The following GPR89B variants were observed in gnomAD, a reference collection of about 807,000 sequenced individuals.
GPR89B encodes the protein G protein-coupled receptor 89B.
In GPR89B, 25 loss-of-function variants were observed where a neutral mutation model predicts 52.4. The ratio of observed to expected loss-of-function variants is 0.48; its 90% CI spans 0.35 to 0.67. The LOEUF (loss-of-function observed/expected upper bound fraction) is 0.67, where lower values mean the gene tolerates loss of function less well. Among genes scored for constraint, GPR89B ranks in the 30% least tolerant of loss-of-function variants. GPR89B has a pLI of 0.01. For missense variants in GPR89B, 146 were observed against 450.2 expected (o/e 0.32, Z 6.11); for synonymous variants, 52 against 151.2 (o/e 0.34, Z 4.81).
intron 1 of GPR89B, among the ~76,000 whole-genome samples, chr1:147,931,895 G>A (rs1451032661): frequency 1.3e-5 from 2 of 152,052 alleles, no homozygotes; most frequent in African/African-American, 4.8e-5. Context: ...CTGCATCTGT[G>A]TTGCTGCAAA....
At chr1:147,940,824 T>C (rs1274648506) in intron 3 of GPR89B, among the ~76,000 whole-genome samples, 28 of 151,176 alleles carry the variant, frequency 1.9e-4, no homozygotes, top group Non-Finnish European at 2.1e-4. Flanking sequence ...TTTTGGTAGA[T>C]GATGTCCCCC....
intron 1 of GPR89B, chr1:147,929,198 G>T (rs1346578259): frequency 2.0e-5 from 3 of 149,694 alleles, no homozygotes; most frequent in African/African-American, 7.4e-5. Context: ...TTCTCCATTG[G>T]CCACCTTCAT....
intron 5 of GPR89B, among the ~76,000 whole-genome samples, chr1:147,947,106 A>G (rs1553249919): frequency 6.6e-6 from 1 of 152,050 alleles, no homozygotes; most frequent in East Asian, 1.9e-4. Flanking sequence ...AGGCCAAGGC[A>G]GGGATATCAC....
chr1:147,928,699 T>A, intron 1 of GPR89B, 121 bp downstream of exon 1: 2 of 1,396,708 alleles, frequency 1.4e-6, no homozygotes, highest in Non-Finnish European at 2.0e-6. Context: ...CCTGCGCCAG[T>A]CACTCTGGCA....
At chr1:147,995,887 C>G (rs1257373266), downstream of GPR89B, 3 of 1,341,432 alleles carry the variant, frequency 2.2e-6, no homozygotes, top group East Asian at 4.6e-5. Context: ...CCTTCTGTAC[C>G]TGTGAACAGA....
the GPR89B span, among the ~76,000 whole-genome samples, chr1:148,000,352 T>C: frequency 0.17 from 25,278 of 151,114 alleles, 2,353 homozygotes; most frequent in East Asian, 0.38. Context: ...CAGGTTGATA[T>C]CAAGTATTTT....
At chr1:148,024,805 G>C in the GPR89B span, 1 of 151,814 alleles carries the variant, frequency 6.6e-6, no homozygotes, top group African/African-American at 2.4e-5. Flanking sequence ...GTAGAAATGG[G>C]GACAGGGTGA....
chr1:147,959,049 C>T (rs1376029663), intron 7 of GPR89B, among the ~76,000 whole-genome samples: 1 of 152,184 alleles, frequency 6.6e-6, no homozygotes, highest in Non-Finnish European at 1.5e-5. Context: ...ACTGTTTTTG[C>T]AAACATTCAT....
downstream of GPR89B, among the ~76,000 whole-genome samples, chr1:147,997,750 A>T (rs1415592648): frequency 3.3e-5 from 5 of 152,214 alleles, no homozygotes; most frequent in African/African-American, 1.2e-4. Flanking sequence ...CACTATCCAA[A>T]GATTCAAAGC....
chr1:147,952,859 T>C (rs1655827356), intron 5 of GPR89B, among the ~76,000 whole-genome samples: 1 of 150,820 alleles, frequency 6.6e-6, no homozygotes, highest in African/African-American at 2.4e-5. Flanking sequence ...ATTAGATGAA[T>C]TCTGTGTTTA....
chr1:147,975,117 T>C (rs1195048196), intron 10 of GPR89B, among the ~76,000 whole-genome samples: 2 of 144,572 alleles, frequency 1.4e-5, no homozygotes, highest in South Asian at 2.3e-4. Flanking sequence ...TTCAGGGATA[T>C]TGGCCTGAAG....
the GPR89B span, among the ~76,000 whole-genome samples, chr1:148,004,809 G>A: frequency 1.9e-5 from 1 of 52,134 alleles, no homozygotes; most frequent in Non-Finnish European, 3.8e-5. Context: ...CACTTTGGGA[G>A]GCCAAGGCGG....
intron 5 of GPR89B, among the ~76,000 whole-genome samples, chr1:147,948,905 C>CGGCCTT (rs1431731815): frequency 1.3e-5 from 2 of 151,832 alleles, no homozygotes; most frequent in African/African-American, 2.4e-5. Flanking sequence ...GAGGACCCTG[C>CGGCCTT]GGCCTTCCGC....
At chr1:148,019,924 T>C in the GPR89B span, among the ~76,000 whole-genome samples, 1 of 151,548 alleles carries the variant, frequency 6.6e-6, no homozygotes, top group Non-Finnish European at 1.5e-5. Flanking sequence ...ATCTGATCCC[T>C]GGTGTTTTCC....
At chr1:148,009,896 G>A in the GPR89B span, among the ~76,000 whole-genome samples, 1 of 152,116 alleles carries the variant, frequency 6.6e-6, no homozygotes, top group Non-Finnish European at 1.5e-5. Flanking sequence ...AGGTATGTAA[G>A]CTCGGGAGGG....
chr1:147,931,308 A>C (rs1286008912), intron 1 of GPR89B, among the ~76,000 whole-genome samples: 3 of 152,142 alleles, frequency 2.0e-5, no homozygotes, highest in African/African-American at 2.4e-5. Context: ...AGCAACTGTT[A>C]ACTAACTCAT....
chr1:148,018,449 A>C, the GPR89B span, among the ~76,000 whole-genome samples: 1 of 150,724 alleles, frequency 6.6e-6, no homozygotes, highest in Non-Finnish European at 1.5e-5. Flanking sequence ...AAAGAAAAAA[A>C]AGGCAGGAAG....
chr1:148,016,000 G>T, the GPR89B span, among the ~76,000 whole-genome samples: 2 of 151,386 alleles, frequency 1.3e-5, no homozygotes, highest in Non-Finnish European at 2.9e-5. Flanking sequence ...TGGCCTTGAA[G>T]TTATTGCTGA....
At chr1:147,952,700 A>C (rs1655812352) in intron 5 of GPR89B, among the ~76,000 whole-genome samples, 1 of 152,002 alleles carries the variant, frequency 6.6e-6, no homozygotes, top group Admixed American at 6.6e-5. Flanking sequence ...TCCCAAATAC[A>C]TCAACCAGCA....
Sources: allele counts gnomAD v4.1 joint callset (sites outside exome capture counted in the v4.1 genomes callset), GRCh38; gene constraint gnomAD v4.1.1; transcripts MANE v1.5; gene names NCBI Gene and HGNC (gene_info 2026-07-23, HGNC 2026-07-21).